ZNRF3: variants seen among roughly 807,000 people sequenced by gnomAD.
ZNRF3 encodes the protein zinc and ring finger 3.
ZNRF3 carries 23 observed loss-of-function variants against 72.5 expected under a neutral mutation model. That is an observed-to-expected ratio of 0.32 (90% CI 0.23 to 0.45). The LOEUF is 0.45. Ranked by LOEUF, ZNRF3 falls within the 20% of genes least tolerant of loss-of-function variation. The probability of loss-of-function intolerance (pLI) is 1.00; values close to 1 mark genes in which losing one functional copy is unlikely to be tolerated. For synonymous variants in ZNRF3, 610 were observed against 545.3 expected, an observed-to-expected ratio of 1.12 and a Z score of -1.65; for missense variants, 1,169 against 1,272.1, an observed-to-expected ratio of 0.92 and a Z score of 1.23.
At chr22:28,918,537 CGTGTGTGTGTGTGTGTGT>C (rs56876101) in intron 1 of ZNRF3, among the ~76,000 whole-genome samples, 4,082 of 148,854 alleles carry the variant, frequency 0.027, 211 homozygotes, top group African/African-American at 0.096. Flanking sequence ...TGCATGTGTG[CGTGTGTGTGTGTGTGTGT>C]GTGTGTGTGT....
chr22:29,040,653 G>A (rs919991397), intron 2 of ZNRF3, among the ~76,000 whole-genome samples: 1 of 152,136 alleles, frequency 6.6e-6, no homozygotes, highest in African/African-American at 2.4e-5. Context: ...AGGGTGTGGT[G>A]GACAATCGGC....
intron 2 of ZNRF3, among the ~76,000 whole-genome samples, chr22:29,042,117 A>T (rs2036973825): frequency 6.6e-6 from 1 of 152,042 alleles, no homozygotes; most frequent in African/African-American, 2.4e-5. Flanking sequence ...TGTCCTCTTT[A>T]AAAAAAAGTT....
At chr22:28,920,163 A>G (rs552843969) in intron 1 of ZNRF3, among the ~76,000 whole-genome samples, 41 of 151,644 alleles carry the variant, frequency 2.7e-4, no homozygotes, top group African/African-American at 9.4e-4. Context: ...ACGGGGTTTC[A>G]CCATGTTGGC....
chr22:28,953,160 C>T (rs1170768918), intron 1 of ZNRF3, among the ~76,000 whole-genome samples: 2 of 152,178 alleles, frequency 1.3e-5, no homozygotes, highest in Admixed American at 6.5e-5. Context: ...CCCTAGGCAG[C>T]GTGCAGTGCT....
At chr22:28,945,593 G>A (rs910926364) in intron 1 of ZNRF3, among the ~76,000 whole-genome samples, 2 of 151,194 alleles carry the variant, frequency 1.3e-5, no homozygotes, top group Non-Finnish European at 2.9e-5. Flanking sequence ...GCAGTGGTGC[G>A]ATCTTGGCTC....
intron 1 of ZNRF3, 98 bp from the exon 2 acceptor site, chr22:28,986,978 G>C: frequency 2.0e-6 from 3 of 1,481,066 alleles, no homozygotes; most frequent in Non-Finnish European, 2.7e-6. Flanking sequence ...TTTAAGTTTT[G>C]ACGTTACTTT....
At chr22:28,930,450 G>A (rs1313166501) in intron 1 of ZNRF3, among the ~76,000 whole-genome samples, 1 of 152,172 alleles carries the variant, frequency 6.6e-6, no homozygotes, top group Non-Finnish European at 1.5e-5. Context: ...CATGGAAAGG[G>A]CCCCAGAGGA....
At chr22:29,010,132 A>G (rs2036324051) in intron 2 of ZNRF3, among the ~76,000 whole-genome samples, 1 of 151,650 alleles carries the variant, frequency 6.6e-6, no homozygotes, top group Non-Finnish European at 1.5e-5. Flanking sequence ...GATGGTCTCG[A>G]TCTCCTGACC....
At chr22:28,998,277 C>T (rs1204604167) in intron 2 of ZNRF3, among the ~76,000 whole-genome samples, 1 of 151,412 alleles carries the variant, frequency 6.6e-6, no homozygotes, top group African/African-American at 2.4e-5. Context: ...CCAGCCTGGG[C>T]GACAGAGCGA....
intron 1 of ZNRF3, among the ~76,000 whole-genome samples, chr22:28,970,995 G>T (rs539120579): frequency 1.3e-5 from 2 of 152,222 alleles, no homozygotes; most frequent in South Asian, 2.1e-4. Context: ...ATCAGTAAAT[G>T]ATTAGTTTAT....
At position 28,920,529 on chromosome 22, in the gene ZNRF3, C is replaced by A. The variant is rs565347226; in HGVS notation, c.300+36463C>A. Among the ~76,000 whole-genome samples the A allele has an allele frequency of 3.3e-5, 5 of 152,330 alleles. No homozygotes were observed. The South Asian group carries it at 1.0e-3, about 32-fold the overall frequency. On this transcript the variant is annotated intron_variant, in intron 1 of 8. Transcript: ENST00000544604. ...CAAGTGATCCACCCACCTCGGCCTCCCAGAGTACTGGGATTACAGGCGTGA... is the reference window on the plus strand; with the variant it reads ...CAAGTGATCCACCCACCTCGGCCTCACAGAGTACTGGGATTACAGGCGTGA...
In ZNRF3 at chr22:28,964,241, T is replaced by G. The variant is rs919489332; in HGVS notation, c.301-22835T>G. On this transcript the variant is annotated intron_variant, in intron 1 of 8. Coordinates refer to ENST00000544604, the MANE Select transcript of ZNRF3 (RefSeq NM_001206998.2). ...GTGTTTCTAAGTGAGGGCAAGTCCA[T>G]GTTGTATGAATGTGTATTATGTGTA... 1.5e-4 allele frequency among the ~76,000 whole-genome samples: 23 copies of G among 152,276 alleles called. 1 individual carries two copies. Among genetic ancestry groups the G allele is most frequent in the Middle Eastern group, 6.8e-3 (2 of 294 alleles).
At chr22:28,967,978 G>A (rs914170771) in intron 1 of ZNRF3, among the ~76,000 whole-genome samples, 2 of 150,438 alleles carry the variant, frequency 1.3e-5, no homozygotes. Context: ...GTGGAGCAAA[G>A]CCCTCTGTTT....
intron 1 of ZNRF3, among the ~76,000 whole-genome samples, chr22:28,918,975 G>A (rs1569245655): frequency 6.6e-6 from 1 of 152,236 alleles, no homozygotes; most frequent in Non-Finnish European, 1.5e-5. Context: ...TGTAAAGCCT[G>A]CAGTTGAGCA....
chr22:28,915,541 C>T (rs1369791039), intron 1 of ZNRF3, among the ~76,000 whole-genome samples: 3 of 152,168 alleles, frequency 2.0e-5, no homozygotes, highest in African/African-American at 7.2e-5. Flanking sequence ...ATTTTCTTGT[C>T]ACTTGTCTTT....
At chr22:28,918,912 G>A (rs753504568) in intron 1 of ZNRF3, among the ~76,000 whole-genome samples, 4 of 152,314 alleles carry the variant, frequency 2.6e-5, no homozygotes, top group Admixed American at 6.5e-5. Flanking sequence ...AAGTTGGGCT[G>A]GTGGAAATAC....
In ZNRF3 at chr22:29,035,327, G is replaced by A. The variant is rs534126672; in HGVS notation, c.427-7168G>A. Among the ~76,000 whole-genome samples, 7 of 152,298 alleles carry A rather than the reference G, an allele frequency of 4.6e-5. No homozygotes were observed. In the East Asian group the frequency reaches 1.3e-3, roughly 29 times the overall value. ...TTAAGGACAGATGCCTCCAGAATAT[G>A]AGTACAAGGATATGAATACAGCACT... On this transcript the variant is annotated intron_variant, in intron 2 of 8. Transcript: ENST00000544604.
In ZNRF3 at chr22:29,011,577, G is replaced by A. The variant is rs568287412; in HGVS notation, c.426+24376G>A. 2.0e-4 allele frequency among the ~76,000 whole-genome samples: 30 copies of A among 152,354 alleles called. 1 individual carries two copies. The South Asian group carries it at 5.2e-3, about 26-fold the overall frequency. On this transcript the variant is annotated intron_variant, in intron 2 of 8. Transcript: ENST00000544604. Reference sequence around the variant, plus strand: ...ATAAAAAAGATTTTTCAACCAAACTGTGCTTTTATCTTTAGGTTCTGAATG... The same window carrying A: ...ATAAAAAAGATTTTTCAACCAAACTATGCTTTTATCTTTAGGTTCTGAATG...
chr22:28,952,500 T>G (rs908991137), intron 1 of ZNRF3, among the ~76,000 whole-genome samples: 16 of 151,876 alleles, frequency 1.1e-4, no homozygotes, highest in African/African-American at 3.6e-4. Flanking sequence ...TCCATGTTTT[T>G]TTTTTTTTTT....
Sources: allele counts gnomAD v4.1 joint callset (sites outside exome capture counted in the v4.1 genomes callset), GRCh38; gene constraint gnomAD v4.1.1; transcripts MANE v1.5; gene names NCBI Gene and HGNC (gene_info 2026-07-23, HGNC 2026-07-21).